The following ABCG1 variants were observed in gnomAD, a reference collection of about 807,000 sequenced individuals.
The protein encoded by ABCG1 is ATP-binding cassette sub-family G member 1.
ABCG1 carries 29 observed loss-of-function variants against 69.2 expected under a neutral mutation model. The observed-to-expected ratio is 0.42, with a 90% confidence interval of 0.31 to 0.57. The LOEUF (loss-of-function observed/expected upper bound fraction) is 0.57. Among genes scored for constraint, ABCG1 ranks in the 20% least tolerant of loss-of-function variants. ABCG1 has a pLI of 0.15. For missense variants in ABCG1, 718 were observed against 898.1 expected, an observed-to-expected ratio of 0.80 and a Z score of 2.56; for synonymous variants, 370 against 374.8, an observed-to-expected ratio of 0.99 and a Z score of 0.15.
At chr21:42,207,070 T>G (rs2067549116) in intron 2 of ABCG1, 1 of 152,210 alleles carries the variant, frequency 6.6e-6, no homozygotes, top group Non-Finnish European at 1.5e-5. Context: ...TATGTCTTGG[T>G]ATAGTTTTAT....
chr21:42,263,914 A>G (rs987107129), intron 2 of ABCG1, among the ~76,000 whole-genome samples: 6 of 152,256 alleles, frequency 3.9e-5, no homozygotes, highest in Non-Finnish European at 8.8e-5. Context: ...CATTTGTGCC[A>G]AGAGCCCTTC....
At position 42,273,452 on chromosome 21, in the gene ABCG1, C is replaced by G. The variant is rs372016280; in HGVS notation, c.537+17C>G. 9.3e-6 allele frequency: 15 copies of G among 1,610,570 alleles called. No homozygotes were observed. The highest frequency in any genetic ancestry group is 1.3e-5 in the Non-Finnish European group (15 of 1,178,088). On this transcript the variant is annotated intron_variant, in intron 4 of 14. Coordinates refer to ENST00000398449, the MANE Select transcript of ABCG1 (RefSeq NM_016818.3). This position sits in a 1 kb window ranked among gnomAD's most constrained non-coding sequence, Gnocchi z 5.3. ...GCCATGATGGTGAGCTCCGCCCTGC[C>G]CCGCCCCACTCCGCCCCTGCCGCCT...
intron 2 of ABCG1, among the ~76,000 whole-genome samples, chr21:42,238,080 C>T (rs1043458463): frequency 3.3e-5 from 5 of 152,172 alleles, no homozygotes; most frequent in Non-Finnish European, 5.9e-5. Flanking sequence ...TCAAATTTTG[C>T]TAAAAATTGA....
At chr21:42,242,577 C>A (rs781131067) in intron 2 of ABCG1, among the ~76,000 whole-genome samples, 7 of 152,140 alleles carry the variant, frequency 4.6e-5, no homozygotes, top group Non-Finnish European at 1.0e-4. Flanking sequence ...ATGTGTGGTA[C>A]CTGGAACCAA....
In ABCG1 at chr21:42,287,221, G is replaced by A. The variant is rs1286754211; in HGVS notation, c.974-668G>A. Among the ~76,000 whole-genome samples, 1 of 152,200 alleles carries A rather than the reference G, an allele frequency of 6.6e-6. No homozygotes were observed. The highest frequency in any genetic ancestry group is 6.5e-5 in the Admixed American group (1 of 15,290). ...GGGAAGGAGGCCAGTCACCACGGGA[G>A]TGTGGAAGGAGTTGCAGGCTGCAGA... is the stretch of plus-strand genomic sequence containing the variant. On this transcript the variant is annotated intron_variant, in intron 8 of 14. Transcript: ENST00000398449. This position sits in a 1 kb window ranked among gnomAD's most constrained non-coding sequence, Gnocchi z 6.2.
Position 42,283,757 on chromosome 21 carries a change from G to A in ABCG1, c.735-803G>A, listed in dbSNP as rs184316304. Among the ~76,000 whole-genome samples the A allele has an allele frequency of 1.5e-3, 29 of 19,984 alleles. 2 individuals carry two copies. Among genetic ancestry groups the A allele is most frequent in the African/African-American group, 4.0e-3 (12 of 3,020 alleles). 13.1% of individuals were successfully genotyped at this position (19,984 alleles called of 152,430 possible). ...AGTGGGGACCCCCCACCTCTGTCCTGCCTGGACAGTTGTGAAGTACCCCCC... is the reference window on the plus strand; with the variant it reads ...AGTGGGGACCCCCCACCTCTGTCCTACCTGGACAGTTGTGAAGTACCCCCC... On this transcript the variant is annotated intron_variant, in intron 6 of 14. Coordinates refer to ENST00000398449, the MANE Select transcript of ABCG1 (RefSeq NM_016818.3).
In ABCG1 at chr21:42,288,139, CT is replaced by C; in HGVS notation, c.1123-71del. 1 of 1,611,486 alleles carries C rather than the reference CT, an allele frequency of 6.2e-7. No individual in the cohort carries two copies. ...GGCACCGTGCACTGCTGCATGAGAGCTCTTTCCGAGCAAGAAGGAGCCGTGG... is the reference window on the plus strand; with the variant it reads ...GGCACCGTGCACTGCTGCATGAGAGCCTTTCCGAGCAAGAAGGAGCCGTGG... On this transcript the variant is annotated intron_variant, in intron 9 of 14. Transcript: ENST00000398449. This position sits in a 1 kb window ranked among gnomAD's most constrained non-coding sequence, Gnocchi z 4.8.
chr21:42,266,283 A>T (rs1160387066), intron 2 of ABCG1, among the ~76,000 whole-genome samples: 2 of 152,056 alleles, frequency 1.3e-5, no homozygotes, highest in Non-Finnish European at 2.9e-5. Flanking sequence ...CCTGGGTGAC[A>T]GAGCGAGACT....
intron 2 of ABCG1, among the ~76,000 whole-genome samples, chr21:42,266,409 C>G (rs1387056211): frequency 6.6e-6 from 1 of 152,176 alleles, no homozygotes; most frequent in Non-Finnish European, 1.5e-5. Context: ...TTCCACTGCT[C>G]CTTTTATAGT....
At chr21:42,277,855 C>T (rs192439923) in intron 5 of ABCG1, among the ~76,000 whole-genome samples, 17 of 152,304 alleles carry the variant, frequency 1.1e-4, no homozygotes, top group East Asian at 9.6e-4. Flanking sequence ...ATTCTATTTC[C>T]GGCATTTCCC....
At chr21:42,254,721 A>G (rs531639567) in intron 2 of ABCG1, among the ~76,000 whole-genome samples, 3 of 152,386 alleles carry the variant, frequency 2.0e-5, no homozygotes, top group South Asian at 2.1e-4. Context: ...ATGTCATAGA[A>G]TATGGATTTC....
rs1289576139 is a variant in ABCG1, at chr21:42,224,755, GTACCTGAAGC to G, written c.43-914_43-905del. On this transcript the variant is annotated intron_variant, in intron 1 of 14. Coordinates refer to ENST00000398449, the MANE Select transcript of ABCG1 (RefSeq NM_016818.3). ...CCCAGGGTTCTTCTGTGTTTTGAAG[GTACCTGAAGC>G]TTATTGATTTGCTCACGGTTGCCAG... 2.0e-5 allele frequency among the ~76,000 whole-genome samples: 3 copies of G among 152,286 alleles called. No homozygotes were observed. In the East Asian group the frequency reaches 5.8e-4, roughly 29 times the overall value.
In ABCG1 at chr21:42,273,241, C is replaced by G; in HGVS notation, c.405-62C>G. 1 of 1,568,036 alleles carries G rather than the reference C, an allele frequency of 6.4e-7. No homozygotes were observed. Among genetic ancestry groups the G allele is most frequent in the Non-Finnish European group, 8.6e-7 (1 of 1,156,702 alleles). On this transcript the variant is annotated intron_variant, in intron 3 of 14. Coordinates refer to ENST00000398449, the MANE Select transcript of ABCG1 (RefSeq NM_016818.3). This position sits in a 1 kb window ranked among gnomAD's most constrained non-coding sequence, Gnocchi z 5.3. The stretch of plus-strand genomic sequence containing the variant: ...CCCGTCTCTGGCTCCCCTCTCCTGC[C>G]CCGGGAGGTGGAGGAGGAGCAGGAG...
intron 6 of ABCG1, among the ~76,000 whole-genome samples, chr21:42,282,680 A>G (rs974380291): frequency 2.0e-5 from 3 of 152,184 alleles, no homozygotes; most frequent in Admixed American, 2.0e-4. Flanking sequence ...TTCACGATGC[A>G]TATCTCTTCC....
chr21:42,259,171 G>A, intron 2 of ABCG1: 1 of 1,359,244 alleles, frequency 7.4e-7, no homozygotes. Flanking sequence ...GACATGTCTT[G>A]GTGTGAGAGA....
chr21:42,237,820 C>G (rs993062992), intron 2 of ABCG1, among the ~76,000 whole-genome samples: 1 of 152,174 alleles, frequency 6.6e-6, no homozygotes, highest in African/African-American at 2.4e-5. Flanking sequence ...TTTCTTTGGC[C>G]GCACAGCACC....
chr21:42,208,179 C>T (rs1254361858), intron 2 of ABCG1, among the ~76,000 whole-genome samples: 1 of 150,188 alleles, frequency 6.7e-6, no homozygotes, highest in African/African-American at 2.5e-5. Flanking sequence ...CTAGGTTCCC[C>T]TTTTCCTATT....
At chr21:42,265,109 T>C (rs1231595252) in intron 2 of ABCG1, among the ~76,000 whole-genome samples, 1 of 152,146 alleles carries the variant, frequency 6.6e-6, no homozygotes, top group African/African-American at 2.4e-5. Context: ...CAGGGGTTCA[T>C]AGGAGCTGCA....
chr21:42,225,907 G>A lies in ABCG1; in HGVS notation c.279G>A (p.Arg93=). 6.2e-7 allele frequency: 1 copy of A among 1,612,014 alleles called. No homozygotes were observed. Among genetic ancestry groups the A allele is most frequent in the Non-Finnish European group, 8.5e-7 (1 of 1,179,270 alleles). ...CGGTTCCTGAAGGACCCTGGTGGAGGAAGAAAGGTAGGGAGGGCGGCTGCT... is the reference window on the plus strand; with the variant it reads ...CGGTTCCTGAAGGACCCTGGTGGAGAAAGAAAGGTAGGGAGGGCGGCTGCT... The part of the protein sequence containing the change: ...SYSVPEGPWW[R]KKGYKTLLKG... Residue 93 remains arginine (R), a synonymous_variant, in exon 2 of 15, where the codon AGG becomes AGA. Transcript: ENST00000398449.
Sources: allele counts gnomAD v4.1 joint callset (sites outside exome capture counted in the v4.1 genomes callset), GRCh38; gene constraint gnomAD v4.1.1; non-coding constraint Gnocchi (gnomAD v3.1); transcripts MANE v1.5; gene names NCBI Gene and HGNC (gene_info 2026-07-23, HGNC 2026-07-21).